Variants in RAPGEF5 observed in about 807,000 individuals in gnomAD.
RAPGEF5 encodes M-Ras-regulated GEF.
RAPGEF5 carries 65 observed loss-of-function variants against 125.2 expected under a neutral mutation model. The ratio of observed to expected loss-of-function variants is 0.52; its 90% CI spans 0.43 to 0.64. The LOEUF (loss-of-function observed/expected upper bound fraction) is 0.64. Among genes scored for constraint, RAPGEF5 ranks in the 30% least tolerant of loss-of-function variants. The probability of loss-of-function intolerance (pLI) is 0.00; values close to 1 mark genes in which losing one functional copy is unlikely to be tolerated. For synonymous variants in RAPGEF5, 391 were observed against 385.9 expected (o/e 1.01, Z -0.16); for missense variants, 958 against 1,048.1 (o/e 0.91, Z 1.19).
chr7:22,257,088 T>C (rs1405271943), intron 7 of RAPGEF5, among the ~76,000 whole-genome samples: 1 of 152,236 alleles, frequency 6.6e-6, no homozygotes, highest in African/African-American at 2.4e-5. Context: ...ATGCTCATTT[T>C]AATAACCTCT....
At chr7:22,250,747 T>C (rs775555097) in intron 7 of RAPGEF5, among the ~76,000 whole-genome samples, 1 of 152,232 alleles carries the variant, frequency 6.6e-6, no homozygotes, top group Non-Finnish European at 1.5e-5. Context: ...AAATGATTAG[T>C]AATTATTATT....
intron 7 of RAPGEF5, among the ~76,000 whole-genome samples, chr7:22,243,214 A>C (rs2128136599): frequency 6.6e-6 from 1 of 152,288 alleles, no homozygotes; most frequent in African/African-American, 2.4e-5. Flanking sequence ...AACGAAACTA[A>C]GCCAAAATAT....
rs151005332 is a variant in RAPGEF5 at position 22,145,293 on chromosome 7, T to A, written c.2008-71A>T. 2.1e-5 allele frequency: 30 copies of A among 1,431,506 alleles called. No homozygotes were observed. In the East Asian group the frequency reaches 6.5e-4, roughly 31 times the overall value. The allele number at this position is 1,431,506 out of a possible 1,614,324, so 88.7% of individuals were successfully genotyped here. The stretch of plus-strand genomic sequence containing the variant: ...TGGTTGATACAAAACTCGGTCAAAT[T>A]TTAAGAGCTACTTCAGGTAGTTCCT... On this transcript the variant is annotated intron_variant, in intron 19 of 25. Coordinates refer to ENST00000665637, the MANE Select transcript of RAPGEF5 (RefSeq NM_012294.5).
intron 22 of RAPGEF5, 30 bp downstream of exon 22, chr7:22,136,903 G>C: frequency 2.0e-6 from 3 of 1,523,990 alleles, no homozygotes; most frequent in Non-Finnish European, 2.7e-6. Context: ...TTATTTTGAA[G>C]AATAAGTCCC....
intron 6 of RAPGEF5, among the ~76,000 whole-genome samples, chr7:22,286,949 T>G (rs1382128919): frequency 6.6e-6 from 1 of 152,234 alleles, no homozygotes; most frequent in Non-Finnish European, 1.5e-5. Flanking sequence ...CAACAGAGAC[T>G]TGCAGTCGAT....
Position 22,131,120 on chromosome 7 carries a change from A to C in RAPGEF5, c.2417-19T>G. 2.0e-6 allele frequency: 3 copies of C among 1,525,902 alleles called. No individual in the cohort carries two copies. Among genetic ancestry groups the C allele is most frequent in the Non-Finnish European group, 2.6e-6 (3 of 1,136,358 alleles). 94.5% of individuals were successfully genotyped at this position (1,525,902 alleles called of 1,614,324 possible). On this transcript the variant is annotated intron_variant, in intron 23 of 25. Transcript: ENST00000665637. ...GTTACATCTGAAAATTAAAAACAAAAAGATGTATGTATCATTAGGAATGGA... is the reference window on the plus strand; with the variant it reads ...GTTACATCTGAAAATTAAAAACAAACAGATGTATGTATCATTAGGAATGGA...
chr7:22,161,581 C>G (rs1291076373), intron 13 of RAPGEF5, among the ~76,000 whole-genome samples: 1 of 148,022 alleles, frequency 6.8e-6, no homozygotes, highest in Admixed American at 6.7e-5. Context: ...CACACACACA[C>G]AATTCCACAT....
At chr7:22,169,858 T>C in intron 11 of RAPGEF5, among the ~76,000 whole-genome samples, 1 of 240 alleles carries the variant, frequency 4.2e-3, no homozygotes, top group African/African-American at 0.014. Flanking sequence ...AGACTCTGTG[T>C]CAAAAAAAAA....
intron 7 of RAPGEF5, among the ~76,000 whole-genome samples, chr7:22,245,701 C>T (rs1786458190): frequency 1.3e-5 from 2 of 152,182 alleles, no homozygotes; most frequent in East Asian, 1.9e-4. Flanking sequence ...TGGCTTTCTT[C>T]TTAAAATATC....
In RAPGEF5 at chr7:22,295,560, C is replaced by T. The variant is rs143769011; in HGVS notation, c.681-4319G>A. ...AATCTGTTCCCACACCTGGAATAAG[C>T]CTTGTCTATAAACAATGGAAATTTT... is the stretch of plus-strand genomic sequence containing the variant. On this transcript the variant is annotated intron_variant, in intron 5 of 25. Coordinates refer to ENST00000665637, the MANE Select transcript of RAPGEF5 (RefSeq NM_012294.5). Among the ~76,000 whole-genome samples the T allele has an allele frequency of 3.2e-4, 49 of 152,220 alleles. No homozygotes were observed. In the East Asian group the frequency reaches 9.5e-3, roughly 29 times the overall value.
At chr7:22,213,689 T>C (rs1191489048) in intron 9 of RAPGEF5, among the ~76,000 whole-genome samples, 3 of 152,234 alleles carry the variant, frequency 2.0e-5, no homozygotes, top group African/African-American at 7.2e-5. Context: ...AATGAGGTGA[T>C]TTCTCAGTTT....
intron 9 of RAPGEF5, among the ~76,000 whole-genome samples, chr7:22,203,310 A>G (rs988959616): frequency 6.6e-6 from 1 of 152,160 alleles, no homozygotes; most frequent in Non-Finnish European, 1.5e-5. Flanking sequence ...TCACTCGCCA[A>G]GAAGTGTACA....
intron 6 of RAPGEF5, among the ~76,000 whole-genome samples, chr7:22,273,625 T>C (rs1202628363): frequency 6.6e-6 from 1 of 152,230 alleles, no homozygotes; most frequent in Non-Finnish European, 1.5e-5. Flanking sequence ...CTAATATATG[T>C]AGAAGTGATC....
chr7:22,135,241 G>A (rs1250108642), intron 23 of RAPGEF5, among the ~76,000 whole-genome samples: 1 of 152,158 alleles, frequency 6.6e-6, no homozygotes, highest in Non-Finnish European at 1.5e-5. Flanking sequence ...AAGAAAAGAG[G>A]CTGGATGAAA....
chr7:22,270,498 G>C (rs751648898), intron 6 of RAPGEF5, among the ~76,000 whole-genome samples: 5 of 152,218 alleles, frequency 3.3e-5, no homozygotes, highest in Non-Finnish European at 5.9e-5. Flanking sequence ...GCCTGAAATA[G>C]AGCCACTGTT....
chr7:22,135,995 T>C, intron 23 of RAPGEF5, 43 bp downstream of exon 23: 3 of 1,482,742 alleles, frequency 2.0e-6, no homozygotes, highest in Non-Finnish European at 2.8e-6. Context: ...AATAAATTTC[T>C]GAAATATGAA....
At chr7:22,280,913 G>T (rs1245715004) in intron 6 of RAPGEF5, among the ~76,000 whole-genome samples, 1 of 151,968 alleles carries the variant, frequency 6.6e-6, no homozygotes, top group African/African-American at 2.4e-5. Context: ...CCAATGCTGG[G>T]GTAATCTTAG....
At chr7:22,298,180 G>GT (rs71550471) in intron 5 of RAPGEF5, among the ~76,000 whole-genome samples, 4,982 of 137,492 alleles carry the variant, frequency 0.036, 120 homozygotes, top group Middle Eastern at 0.063. Flanking sequence ...TCTGTTTTTT[G>GT]TTTTTTTTTT....
intron 7 of RAPGEF5, among the ~76,000 whole-genome samples, chr7:22,252,986 T>C (rs752471532): frequency 2.6e-5 from 4 of 152,148 alleles, no homozygotes; most frequent in Non-Finnish European, 5.9e-5. Context: ...CCATCAAACA[T>C]TGAATTGATC....
Sources: gnomAD v4.1 joint callset for allele counts (sites outside exome capture counted in the v4.1 genomes callset) on GRCh38, gnomAD v4.1.1 for gene constraint, MANE v1.5 for transcripts, NCBI Gene and HGNC (gene_info 2026-07-23, HGNC 2026-07-21) for gene names.